Variants in SCNN1B observed in about 807,000 individuals in gnomAD.
SCNN1B encodes epithelial sodium channel subunit beta.
SCNN1B carries 46 observed loss-of-function variants against 65.3 expected under a neutral mutation model. The ratio of observed to expected loss-of-function variants is 0.70; its 90% CI spans 0.56 to 0.90. The LOEUF is 0.90. Ranked by LOEUF, SCNN1B falls within the 40% of genes least tolerant of loss-of-function variation. The probability of loss-of-function intolerance (pLI) is 0.00; values close to 1 mark genes in which losing one functional copy is unlikely to be tolerated. For synonymous variants in SCNN1B, 349 were observed against 330.6 expected, an observed-to-expected ratio of 1.06 and a Z score of -0.60; for missense variants, 751 against 830.5, an observed-to-expected ratio of 0.90 and a Z score of 1.18.
intron 2 of SCNN1B, among the ~76,000 whole-genome samples, chr16:23,290,080 G>A (rs1018895293): frequency 6.6e-6 from 1 of 152,144 alleles, no homozygotes; most frequent in African/African-American, 2.4e-5. Flanking sequence ...TTTAGAACAT[G>A]CACCCAGTAG....
intron 4 of SCNN1B, among the ~76,000 whole-genome samples, chr16:23,365,599 A>AAG (rs879897239): frequency 1.4e-3 from 88 of 61,580 alleles, no homozygotes; most frequent in African/African-American, 5.4e-3. Context: ...GAAAGAAAGA[A>AAG]AGAAAGAAAG....
intron 1 of SCNN1B, among the ~76,000 whole-genome samples, chr16:23,333,014 T>G (rs1013044444): frequency 2.0e-5 from 3 of 150,994 alleles, no homozygotes; most frequent in African/African-American, 4.9e-5. Context: ...GAGGTTGCAG[T>G]GAGCCAAAAT....
At position 23,317,016 on chromosome 16, in the gene SCNN1B, G is replaced by A. The variant is rs117286222; in HGVS notation, c.-9+14579G>A. On this transcript the variant is annotated intron_variant, in intron 1 of 12. Transcript: ENST00000343070. ...AGACCCAAGAAGCAGCCCACAGATGGGGTAACAGACCCAAAGGACATGATG... is the reference window on the plus strand; with the variant it reads ...AGACCCAAGAAGCAGCCCACAGATGAGGTAACAGACCCAAAGGACATGATG... Among the ~76,000 whole-genome samples the A allele has an allele frequency of 9.2e-5, 14 of 152,320 alleles. No homozygotes were observed. The East Asian group carries it at 2.5e-3, about 27-fold the overall frequency.
intron 4 of SCNN1B, among the ~76,000 whole-genome samples, chr16:23,365,474 GAGAAAGAAAAAGAAGAAA>G (rs1257603900): frequency 8.1e-6 from 1 of 123,832 alleles, no homozygotes; most frequent in Non-Finnish European, 1.7e-5. Context: ...AAAGAAAAGA[GAGAAAGAAAAAGAAGAAA>G]AGAAAGAAAA....
chr16:23,303,772 A>T (rs1466257860), intron 1 of SCNN1B, among the ~76,000 whole-genome samples: 1 of 150,958 alleles, frequency 6.6e-6, no homozygotes, highest in East Asian at 1.9e-4. Flanking sequence ...AAAAAAAATT[A>T]GCCGGGCATA....
chr16:23,360,925 G>C (rs1054865499), intron 4 of SCNN1B, among the ~76,000 whole-genome samples: 6 of 152,098 alleles, frequency 3.9e-5, no homozygotes, highest in African/African-American at 1.4e-4. Context: ...CTCCCGAGTA[G>C]CTGGGACTAC....
rs532212837 is a variant in SCNN1B, at chr16:23,352,939, G to C, written c.450G>C (p.Leu150=). 32 of 1,614,100 alleles carry C rather than the reference G, an allele frequency of 2.0e-5. 2 individuals are homozygous for C. The highest frequency in any genetic ancestry group is 3.3e-4 in the Middle Eastern group (2 of 6,062). The change falls in exon 3 of 13, where the codon CTG becomes CTC. Residue 150 remains leucine (L), a synonymous_variant. Transcript: ENST00000343070. ...LNFSIWNHTP[L]VLIDERNPHH... is the part of the protein sequence containing the mutation. Reference sequence around the variant, plus strand: ...TCTCCATCTGGAACCACACACCCCTGGTCCTTATTGATGAACGGAACCCCC... The same window carrying C: ...TCTCCATCTGGAACCACACACCCCTCGTCCTTATTGATGAACGGAACCCCC...
At chr16:23,362,466 C>T (rs560119090) in intron 4 of SCNN1B, among the ~76,000 whole-genome samples, 9 of 152,102 alleles carry the variant, frequency 5.9e-5, no homozygotes, top group Non-Finnish European at 1.2e-4. Flanking sequence ...AAAGTCTTTC[C>T]TGACCTCTGA....
intron 2 of SCNN1B, among the ~76,000 whole-genome samples, chr16:23,296,533 A>G (rs1960999475): frequency 6.6e-6 from 1 of 152,158 alleles, no homozygotes; most frequent in South Asian, 2.1e-4. Context: ...TGTGGCTGTT[A>G]GGGCAAGTTC....
intron 2 of SCNN1B, among the ~76,000 whole-genome samples, chr16:23,286,695 C>T (rs1226813236): frequency 6.6e-6 from 1 of 152,164 alleles, no homozygotes; most frequent in Admixed American, 6.5e-5. Context: ...ATTCTACCAG[C>T]AAGACAATGG....
At chr16:23,306,493 T>C (rs1370110887) in intron 1 of SCNN1B, among the ~76,000 whole-genome samples, 3 of 152,036 alleles carry the variant, frequency 2.0e-5, no homozygotes, top group Admixed American at 6.6e-5. Flanking sequence ...CAGTGGATTA[T>C]ACTCCAATTA....
intron 2 of SCNN1B, among the ~76,000 whole-genome samples, chr16:23,350,284 G>A (rs753169785): frequency 1.8e-4 from 28 of 152,082 alleles, no homozygotes; most frequent in Non-Finnish European, 3.1e-4. Flanking sequence ...ATGCACAGTG[G>A]AAGACTGTGG....
intron 4 of SCNN1B, among the ~76,000 whole-genome samples, chr16:23,356,186 T>C (rs1372836314): frequency 2.6e-5 from 4 of 152,086 alleles, no homozygotes; most frequent in Non-Finnish European, 5.9e-5. Context: ...TGGGGGTGGG[T>C]GCACCAGCCC....
chr16:23,352,306 G>T (rs1962325810), intron 2 of SCNN1B, among the ~76,000 whole-genome samples: 1 of 152,178 alleles, frequency 6.6e-6, no homozygotes, highest in Admixed American at 6.5e-5. Context: ...CTTAGGTGGG[G>T]TGTTCTTCTT....
At chr16:23,306,929 G>A (rs1451216931) in intron 1 of SCNN1B, among the ~76,000 whole-genome samples, 1 of 152,210 alleles carries the variant, frequency 6.6e-6, no homozygotes, top group African/African-American at 2.4e-5. Flanking sequence ...TAACTAGTAT[G>A]TGCAGGTTCT....
In SCNN1B at chr16:23,355,411, A is replaced by G. The variant is rs1443713422; in HGVS notation, c.698A>G (p.Gln233Arg). Residue 233 changes from glutamine to arginine, a missense_variant, in exon 4 of 13, where the codon CAG becomes CGG. Transcript: ENST00000343070. ...ATNIFAQVPQ[Q>R]ELVEMSYPGE... ...AACATCTTTGCACAGGTGCCACAGC[A>G]GGAGCTAGTAGAGATGAGCTACCCC... The G allele has an allele frequency of 6.2e-7, 1 of 1,614,212 alleles. No homozygotes were observed. Among genetic ancestry groups the G allele is most frequent in the Non-Finnish European group, 8.5e-7 (1 of 1,180,030 alleles).
intron 11 of SCNN1B, among the ~76,000 whole-genome samples, chr16:23,379,117 A>ACGCGCC (rs1238016034): frequency 8.3e-5 from 12 of 143,862 alleles, no homozygotes; most frequent in African/African-American, 3.0e-4. Context: ...TCATCCACCC[A>ACGCGCC]CACACCCAGC....
At chr16:23,315,451 C>T (rs1326732401) in intron 1 of SCNN1B, among the ~76,000 whole-genome samples, 7 of 152,158 alleles carry the variant, frequency 4.6e-5, no homozygotes, top group Admixed American at 4.6e-4. Context: ...GAAACCCATT[C>T]TGGAGGCCAA....
chr16:23,333,345 A>T (rs1197861805), intron 1 of SCNN1B, among the ~76,000 whole-genome samples: 1 of 152,206 alleles, frequency 6.6e-6, no homozygotes, highest in East Asian at 1.9e-4. Flanking sequence ...GGACAACTAG[A>T]GACCTTGGGG....
Sources: allele counts gnomAD v4.1 joint callset (sites outside exome capture counted in the v4.1 genomes callset), GRCh38; gene constraint gnomAD v4.1.1; transcripts MANE v1.5; gene names NCBI Gene and HGNC (gene_info 2026-07-23, HGNC 2026-07-21).